The following TRMO variants were observed in gnomAD, a reference collection of about 807,000 sequenced individuals.
TRMO encodes tRNA (adenine(37)-N6)-methyltransferase.
TRMO carries 30 observed loss-of-function variants against 37.2 expected under a neutral mutation model. The observed-to-expected ratio is 0.81, with a 90% CI of 0.60 to 1.09. The LOEUF is 1.09. TRMO is among the 50% of genes least tolerant of loss of function. The pLI is 0.00. For missense variants in TRMO, 552 were observed against 549.5 expected (o/e 1.00, Z -0.05); for synonymous variants, 239 against 199.4 (o/e 1.20, Z -1.67).
chr9:97,910,849 A>T, intron 3 of TRMO: 2 of 596,832 alleles, frequency 3.4e-6, no homozygotes, highest in Non-Finnish European at 6.0e-6. Context: ...CCTTTTACAA[A>T]GCCTTTCTGG....
At chr9:97,915,908 G>A (rs1826336487) in intron 2 of TRMO, 1 of 298,124 alleles carries the variant, frequency 3.4e-6, no homozygotes. Flanking sequence ...AGGCATGGTG[G>A]CATACACCTG....
chr9:97,922,416 A>G lies in TRMO; in HGVS notation c.76+2T>C. On this transcript the variant is annotated splice_donor_variant, in intron 1 of 4. Transcript: ENST00000375119. LOFTEE classifies it high-confidence loss of function. ...TGTGGCACCGCCGGTGTTGGAAGTTACCTGTCTCCAGAGCCGGCTTAACGC... is the reference window on the plus strand; with the variant it reads ...TGTGGCACCGCCGGTGTTGGAAGTTGCCTGTCTCCAGAGCCGGCTTAACGC... The G allele has an allele frequency of 1.9e-6, 3 of 1,572,400 alleles. No individual in the cohort carries two copies. Among genetic ancestry groups the G allele is most frequent in the Non-Finnish European group, 2.6e-6 (3 of 1,156,468 alleles).
At chr9:97,906,367 T>A (rs1436145538) in intron 4 of TRMO, among the ~76,000 whole-genome samples, 1 of 152,018 alleles carries the variant, frequency 6.6e-6, no homozygotes, top group African/African-American at 2.4e-5. Context: ...CCTGCCAGGC[T>A]CAGCTCAAGC....
At position 97,904,898 on chromosome 9, in the gene TRMO, G is replaced by A. The variant is rs1181761983; in HGVS notation, c.1161C>T (p.Tyr387=). 6.2e-7 allele frequency: 1 copy of A among 1,614,214 alleles called. No individual in the cohort carries two copies. Among genetic ancestry groups the A allele is most frequent in the South Asian group, 1.1e-5 (1 of 91,090 alleles). ...AVLSADPRSV[Y]RRKLCQDRLF... ...GGCGGTCCTGGCAAAGCTTCCGGCGGTACACAGACCGAGGATCCGCTGACA... is the reference window on the plus strand; with the variant it reads ...GGCGGTCCTGGCAAAGCTTCCGGCGATACACAGACCGAGGATCCGCTGACA... The change falls in exon 5 of 5, where the codon TAC becomes TAT. Residue 387 remains tyrosine, a synonymous_variant. Coordinates refer to ENST00000375119, the MANE Select transcript of TRMO (RefSeq NM_016481.5).
In TRMO at chr9:97,904,897, G is replaced by A. The variant is rs758286441; in HGVS notation, c.1162C>T (p.Arg388Cys). ...VLSADPRSVY[R>C]RKLCQDRLFY... is the part of the protein sequence containing the mutation. ...AGGCGGTCCTGGCAAAGCTTCCGGC[G>A]GTACACAGACCGAGGATCCGCTGAC... Residue 388 changes from arginine (R) to cysteine (C), a missense_variant, in exon 5 of 5, where the codon CGC becomes TGC. Arg to Cys is a radical substitution (Grantham distance 180). Coordinates refer to ENST00000375119, the MANE Select transcript of TRMO (RefSeq NM_016481.5). 73 of 1,614,054 alleles carry A rather than the reference G, an allele frequency of 4.5e-5. No individual in the cohort carries two copies. The highest frequency in any genetic ancestry group is 4.0e-4 in the East Asian group (18 of 44,906).
At chr9:97,907,074 T>C (rs1658925815) in intron 4 of TRMO, among the ~76,000 whole-genome samples, 1 of 152,118 alleles carries the variant, frequency 6.6e-6, no homozygotes, top group Non-Finnish European at 1.5e-5. Flanking sequence ...AATAAAAAGA[T>C]CAATTTTAAA....
intron 1 of TRMO, among the ~76,000 whole-genome samples, chr9:97,919,085 C>T (rs1826498833): frequency 6.6e-6 from 1 of 152,100 alleles, no homozygotes; most frequent in South Asian, 2.1e-4. Flanking sequence ...AATTTTTGTT[C>T]AAGTATGTTT....
chr9:97,902,850 A>G (rs1015489872), downstream of TRMO, among the ~76,000 whole-genome samples: 1 of 152,268 alleles, frequency 6.6e-6, no homozygotes, highest in African/African-American at 2.4e-5. Context: ...TACTATAGTT[A>G]TGTAAGATGG....
downstream of TRMO, among the ~76,000 whole-genome samples, chr9:97,904,021 G>T (rs1825750182): frequency 1.3e-5 from 2 of 152,190 alleles, no homozygotes. Flanking sequence ...GGCAGAGATT[G>T]CAGTGAGCCG....
At chr9:97,913,348 A>G in intron 3 of TRMO, 53 bp downstream of exon 3, 2 of 1,609,676 alleles carry the variant, frequency 1.2e-6, no homozygotes, top group Non-Finnish European at 1.7e-6. Flanking sequence ...TGTTTATTTT[A>G]TAAGGCTTTT....
rs1306160925 is a variant in TRMO at position 97,904,974 on chromosome 9, A to C, written c.1085T>G (p.Phe362Cys). Residue 362 changes from phenylalanine (F) to cysteine (C), a missense_variant, in exon 5 of 5, where the codon TTT becomes TGT. Transcript: ENST00000375119. ...TTCCTCTGCTGACTGAAAATATTTA[A>C]ATGACGCCTGACCAACATCTGCAAT... ...LSSQDVGQAS[F>C]KYFQSAEEAK... 6.2e-7 allele frequency: 1 copy of C among 1,613,552 alleles called. No homozygotes were observed. The highest frequency in any genetic ancestry group is 2.2e-5 in the East Asian group (1 of 44,870).
intron 4 of TRMO, among the ~76,000 whole-genome samples, chr9:97,905,384 C>T (rs1825814104): frequency 6.6e-6 from 1 of 151,986 alleles, no homozygotes; most frequent in Admixed American, 6.6e-5. Flanking sequence ...CATGACAGTC[C>T]CAGCATCCTC....
At chr9:97,904,195 T>G (rs1310966578), downstream of TRMO, among the ~76,000 whole-genome samples, 1 of 152,176 alleles carries the variant, frequency 6.6e-6, no homozygotes, top group Non-Finnish European at 1.5e-5. Flanking sequence ...TATTTTAGAA[T>G]CAGTATTAAA....
intron 1 of TRMO, among the ~76,000 whole-genome samples, chr9:97,916,539 T>A (rs1826371509): frequency 6.6e-6 from 1 of 152,078 alleles, no homozygotes; most frequent in South Asian, 2.1e-4. Context: ...CATCATTACA[T>A]ACATAGTAAT....
At chr9:97,900,634 T>C (rs1047276338), downstream of TRMO, 18 of 238,424 alleles carry the variant, frequency 7.5e-5, no homozygotes, top group Non-Finnish European at 1.2e-4. Flanking sequence ...GAATCCTAGC[T>C]GTGCAGCCGA....
chr9:97,905,139 G>T, intron 4 of TRMO, 147 bp from the exon 5 acceptor site: 1 of 890,368 alleles, frequency 1.1e-6, no homozygotes, highest in Non-Finnish European at 1.7e-6. Flanking sequence ...TACGGAGACT[G>T]TCACCGTCAA....
chr9:97,915,680 C>T (rs1826322944), intron 2 of TRMO: 1 of 152,240 alleles, frequency 6.6e-6, no homozygotes, highest in Non-Finnish European at 1.5e-5. Flanking sequence ...GTACAAAATT[C>T]CATACAACAG....
chr9:97,903,924 A>T (rs1036740996), downstream of TRMO, among the ~76,000 whole-genome samples: 11 of 152,232 alleles, frequency 7.2e-5, no homozygotes, highest in African/African-American at 2.6e-4. Flanking sequence ...TCTACTAAAA[A>T]TACAAAAATT....
chr9:97,907,185 G>A (rs1825890700), intron 4 of TRMO, among the ~76,000 whole-genome samples: 2 of 152,230 alleles, frequency 1.3e-5, no homozygotes, highest in African/African-American at 4.8e-5. Flanking sequence ...GTGTCCAGAA[G>A]TGCAGGGGGT....
Sources: gnomAD v4.1 joint callset for allele counts (sites outside exome capture counted in the v4.1 genomes callset) on GRCh38, gnomAD v4.1.1 for gene constraint, MANE v1.5 for transcripts, NCBI Gene and HGNC (gene_info 2026-07-23, HGNC 2026-07-21) for gene names.